Variants in KIF4A observed in about 807,000 individuals in gnomAD.
The protein encoded by KIF4A is chromosome-associated kinesin KIF4A.
A neutral mutation model predicts 105.9 loss-of-function variants in KIF4A; 7 were observed. The ratio of observed to expected loss-of-function variants is 0.07; its 90% CI spans 0.04 to 0.12. The LOEUF is 0.12. KIF4A is among the 10% of genes least tolerant of loss of function. The pLI is 1.00. For synonymous variants in KIF4A, 281 were observed against 331.3 expected, an observed-to-expected ratio of 0.85 and a Z score of 1.65; for missense variants, 558 against 929.2, an observed-to-expected ratio of 0.60 and a Z score of 5.19.
intron 28 of KIF4A, among the ~76,000 whole-genome samples, chrX:70,415,772 G>A (rs2086340921): frequency 9.2e-6 from 1 of 108,837 alleles, no homozygotes; most frequent in Non-Finnish European, 1.9e-5. Flanking sequence ...GGGGTTAGTG[G>A]GGGCATGAGT....
chrX:70,343,319 CTTTTTTTTGTTTG>C (rs766369654), intron 11 of KIF4A, among the ~76,000 whole-genome samples: 30 of 110,012 alleles, frequency 2.7e-4, no homozygotes, highest in East Asian at 1.7e-3. Flanking sequence ...TGTTTTTTGT[CTTTTTTTTGTTTG>C]TTTTTTTTGT....
rs544753817 is a variant in KIF4A, at chrX:70,345,827, G to A, written c.1431+1845G>A. On this transcript the variant is annotated intron_variant, in intron 13 of 30. Transcript: ENST00000374403. ...AATAGGGATAACGGGGAAAGGAGGC[G>A]AGGGTTGAAGGCAAGGAAAATTGGG... is the stretch of plus-strand genomic sequence containing the variant. Among the ~76,000 whole-genome samples the A allele has an allele frequency of 1.4e-3, 158 of 111,803 alleles. 2 individuals are homozygous for A. The South Asian group carries it at 0.057, about 40-fold the overall frequency.
At chrX:70,368,903 C>G (rs2086117443) in intron 15 of KIF4A, among the ~76,000 whole-genome samples, 1 of 111,756 alleles carries the variant, frequency 8.9e-6, no homozygotes, top group South Asian at 3.8e-4. Flanking sequence ...CCACCCAGTT[C>G]GAGCTTCCCA....
In KIF4A at chrX:70,290,779, C is replaced by T. The variant is rs749785195; in HGVS notation, c.209C>T (p.Ala70Val). The T allele has an allele frequency of 4.2e-6, 5 of 1,192,228 alleles. No individual in the cohort carries two copies. The highest frequency in any genetic ancestry group is 4.4e-5 in the Admixed American group (2 of 45,739). Residue 70 changes from alanine to valine, a missense_variant, in exon 3 of 31, where the codon GCG becomes GTG. Ala to Val is a moderately conservative substitution (Grantham distance 64). Transcript: ENST00000374403. ...GAAGAAGTCTTCAATACAGCAGTAG[C>T]GCCACTCATAAAAGGTGTATTTAAA... Reference protein sequence around the residue: ...EQEEVFNTAVAPLIKGVFKGY... With the variant: ...EQEEVFNTAVVPLIKGVFKGY...
intron 3 of KIF4A, among the ~76,000 whole-genome samples, chrX:70,295,503 G>T (rs1345543060): frequency 9.0e-6 from 1 of 110,517 alleles, no homozygotes; most frequent in African/African-American, 3.3e-5. Context: ...ATATTTTATG[G>T]GTCTTTCTGC....
At position 70,376,032 on chromosome X, in the gene KIF4A, TATCC is replaced by T. The variant is rs1283598759; in HGVS notation, c.1924-63_1924-60del. 35 of 715,249 alleles carry T rather than the reference TATCC, an allele frequency of 4.9e-5. No homozygotes were observed. The African/African-American group carries it at 6.8e-4, about 14-fold the overall frequency. The allele number at this position is 715,249 out of a possible 1,213,427, so 58.9% of individuals were successfully genotyped here. A position where few individuals can be genotyped will look rare whatever the true frequency, so the allele number is the denominator to read the frequency against. Reference sequence around the variant, plus strand: ...TTTTCTCTCTTCTTAATGGTAAGTCTATCCATCCGCACCAGCCTAGAATAAACTG... The same window carrying T: ...TTTTCTCTCTTCTTAATGGTAAGTCTATCCGCACCAGCCTAGAATAAACTG... On this transcript the variant is annotated intron_variant, in intron 17 of 30. Coordinates refer to ENST00000374403, the MANE Select transcript of KIF4A (RefSeq NM_012310.5).
At chrX:70,354,195 G>A (rs1314558784) in intron 15 of KIF4A, among the ~76,000 whole-genome samples, 4 of 112,754 alleles carry the variant, frequency 3.5e-5, no homozygotes, top group Non-Finnish European at 7.5e-5. Context: ...CTTGACAAAT[G>A]GCTAAACTTT....
At chrX:70,363,606 G>A (rs761002268) in intron 15 of KIF4A, among the ~76,000 whole-genome samples, 3 of 112,063 alleles carry the variant, frequency 2.7e-5, no homozygotes, top group South Asian at 7.5e-4. Context: ...AGTCCATGCT[G>A]TATATGTGCC....
At chrX:70,347,649 G>A (rs961827459) in intron 13 of KIF4A, among the ~76,000 whole-genome samples, 30 of 111,083 alleles carry the variant, frequency 2.7e-4, no homozygotes, top group African/African-American at 9.1e-4. Flanking sequence ...GGAGGAAAGG[G>A]TAACCATTAT....
intron 7 of KIF4A, among the ~76,000 whole-genome samples, chrX:70,321,179 G>C (rs913461538): frequency 1.8e-5 from 2 of 110,773 alleles, no homozygotes; most frequent in African/African-American, 6.6e-5. Flanking sequence ...CATGCCAGCT[G>C]TCAGGTCCCC....
At chrX:70,375,866 T>C (rs1347392883) in intron 17 of KIF4A, among the ~76,000 whole-genome samples, 4 of 111,786 alleles carry the variant, frequency 3.6e-5, no homozygotes. Flanking sequence ...GGATTTAGCT[T>C]GTAGGTACAT....
chrX:70,300,854 ATCT>A (rs1224676492), intron 5 of KIF4A, among the ~76,000 whole-genome samples: 39 of 112,179 alleles, frequency 3.5e-4, no homozygotes, highest in Non-Finnish European at 5.6e-5. Flanking sequence ...TATCTTCGTT[ATCT>A]AGCACAGGGC....
chrX:70,333,168 G>A (rs1158359204), intron 9 of KIF4A, among the ~76,000 whole-genome samples: 1 of 109,018 alleles, frequency 9.2e-6, no homozygotes, highest in African/African-American at 3.3e-5. Context: ...GTGAAACCCT[G>A]TCTCTACAAA....
chrX:70,316,398 A>G (rs191349307), intron 7 of KIF4A, among the ~76,000 whole-genome samples: 1 of 110,931 alleles, frequency 9.0e-6, no homozygotes, highest in African/African-American at 3.3e-5. Flanking sequence ...GTTTATCCCT[A>G]CTTTTTGTTG....
rs1018533033 is a variant in KIF4A, at chrX:70,417,956, G to A, written c.3324G>A (p.Val1108=). ...GCRKQKSDCG[V]DCCCDPTKCR... ...GGAAGCAAAAGTCAGACTGTGGTGT[G>A]GACTGTTGCTGTGACCCCACAAAGT... Residue 1108 remains valine, a synonymous_variant, in exon 29 of 31, where the codon GTG becomes GTA. Transcript: ENST00000374403. 4.1e-6 allele frequency: 5 copies of A among 1,209,650 alleles called. No homozygotes were observed. The highest frequency in any genetic ancestry group is 5.6e-6 in the Non-Finnish European group (5 of 895,009).
At chrX:70,301,830 C>A (rs2085805658) in intron 5 of KIF4A, 70 bp from the exon 6 acceptor site, 1 of 1,115,364 alleles carries the variant, frequency 9.0e-7, no homozygotes. Context: ...TTTAAACCAC[C>A]AATCCCTATA....
At chrX:70,362,528 T>TA (rs2086080578) in intron 15 of KIF4A, among the ~76,000 whole-genome samples, 1 of 111,963 alleles carries the variant, frequency 8.9e-6, no homozygotes, top group African/African-American at 3.2e-5. Flanking sequence ...TTGATTAACT[T>TA]AAGAAGAAAT....
chrX:70,419,310 C>G (rs1357206109), intron 29 of KIF4A, among the ~76,000 whole-genome samples: 1 of 112,040 alleles, frequency 8.9e-6, no homozygotes, highest in Non-Finnish European at 1.9e-5. Context: ...GTTTTCTTAA[C>G]TGAAAGGAAC....
chrX:70,372,018 A>C lies in KIF4A; in HGVS notation c.1675-2133A>C, dbSNP rs760358222. On this transcript the variant is annotated intron_variant, in intron 15 of 30. Coordinates refer to ENST00000374403, the MANE Select transcript of KIF4A (RefSeq NM_012310.5). ...CACATCCCAGATGGGGCGGCAGGGC[A>C]GAGGCGCTCCCCACATCTCAGACGA... Among the ~76,000 whole-genome samples the C allele has an allele frequency of 3.7e-3, 386 of 105,166 alleles. 2 individuals are homozygous for C. Among genetic ancestry groups the C allele is most frequent in the Middle Eastern group, 0.02 (4 of 197 alleles). The allele number at this position is 105,166 out of a possible 115,157, so 91.3% of individuals were successfully genotyped here.
Sources: gnomAD v4.1 joint callset for allele counts (sites outside exome capture counted in the v4.1 genomes callset) on GRCh38, gnomAD v4.1.1 for gene constraint, MANE v1.5 for transcripts, NCBI Gene and HGNC (gene_info 2026-07-23, HGNC 2026-07-21) for gene names.